Variants in OTOGL observed in about 807,000 individuals in gnomAD.
OTOGL encodes otogelin-like protein.
OTOGL carries 285 observed loss-of-function variants against 318.5 expected under a neutral mutation model. The observed-to-expected ratio is 0.89, with a 90% CI of 0.81 to 0.99. The LOEUF (loss-of-function observed/expected upper bound fraction) is 0.99. Among genes scored for constraint, OTOGL ranks in the 50% least tolerant of loss-of-function variants. OTOGL has a pLI of 0.00. For missense variants in OTOGL, 2,899 were observed against 2,845.6 expected (o/e 1.02, Z -0.43); for synonymous variants, 987 against 936.5 (o/e 1.05, Z -0.99).
chr12:80,224,275 A>G (rs369020503), intron 7 of OTOGL, among the ~76,000 whole-genome samples: 7 of 151,928 alleles, frequency 4.6e-5, no homozygotes, highest in Admixed American at 1.3e-4. Flanking sequence ...CTGTTGTTCT[A>G]TATGACTGTT....
At chr12:80,224,049 T>C (rs1338127885) in intron 7 of OTOGL, among the ~76,000 whole-genome samples, 1 of 152,188 alleles carries the variant, frequency 6.6e-6, no homozygotes, top group Non-Finnish European at 1.5e-5. Context: ...TTCTAGAATT[T>C]GTATGGTTTC....
chr12:80,116,658 G>A (rs969934295), intron 1 of OTOGL, among the ~76,000 whole-genome samples: 3 of 152,180 alleles, frequency 2.0e-5, no homozygotes, highest in Non-Finnish European at 4.4e-5. Flanking sequence ...ATTAGGGAAT[G>A]CAATCCCAGG....
chr12:80,349,079 T>A (rs1889379289), intron 44 of OTOGL, among the ~76,000 whole-genome samples: 1 of 138,212 alleles, frequency 7.2e-6, no homozygotes, highest in South Asian at 2.5e-4. Context: ...TTTTGTGGGC[T>A]AAGTAGAGAA....
chr12:80,233,945 C>G (rs1278381126), intron 9 of OTOGL, among the ~76,000 whole-genome samples: 1 of 119,360 alleles, frequency 8.4e-6, no homozygotes, highest in Admixed American at 9.6e-5. Context: ...TAATAATATA[C>G]TTTGATAATA....
Position 80,377,129 on chromosome 12 carries a change from G to A in OTOGL, c.6788G>A (p.Arg2263Gln), listed in dbSNP as rs759534300. The A allele has an allele frequency of 3.7e-5, 59 of 1,603,294 alleles. No individual in the cohort carries two copies. The Admixed American group carries it at 8.6e-4, about 23-fold the overall frequency. ...ACATTTTATATTTTATCAGGCAAAC[G>A]AGAAGAAAGAATATGCCAGAAAGTG... is the stretch of plus-strand genomic sequence containing the variant. ...YNEGCCKICKREERICQKVII... is the reference protein window; with the variant it reads ...YNEGCCKICKQEERICQKVII... The change falls in exon 58 of 59, where the codon CGA (arginine) becomes CAA (glutamine). Residue 2263 changes from arginine (R) to glutamine (Q), a missense_variant. By Grantham distance (43) the Arg-to-Gln change is conservative (BLOSUM62 1). Transcript: ENST00000547103.
At chr12:80,359,049 A>ACTG in intron 52 of OTOGL, 149 bp downstream of exon 52, 1 of 671,382 alleles carries the variant, frequency 1.5e-6, no homozygotes, top group Non-Finnish European at 2.4e-6. Flanking sequence ...GTGCTCTGAT[A>ACTG]TTAGGAAATA....
intron 38 of OTOGL, among the ~76,000 whole-genome samples, chr12:80,334,258 G>A (rs1292372429): frequency 6.6e-6 from 1 of 152,142 alleles, no homozygotes; most frequent in Non-Finnish European, 1.5e-5. Flanking sequence ...GTGAGTAAAA[G>A]GGAAGCAACA....
At chr12:80,272,315 C>T (rs1299966113) in intron 24 of OTOGL, among the ~76,000 whole-genome samples, 2 of 148,402 alleles carry the variant, frequency 1.3e-5, no homozygotes, top group East Asian at 4.0e-4. Flanking sequence ...TCTGCAAGTT[C>T]TTTTTAAGCC....
At chr12:80,145,339 C>T (rs986381946) in intron 1 of OTOGL, among the ~76,000 whole-genome samples, 7 of 152,116 alleles carry the variant, frequency 4.6e-5, no homozygotes, top group Admixed American at 1.3e-4. Context: ...CTTGTTTTTT[C>T]TCAGGTTTGT....
intron 6 of OTOGL, among the ~76,000 whole-genome samples, chr12:80,220,416 C>T (rs1878197417): frequency 6.6e-6 from 1 of 152,158 alleles, no homozygotes; most frequent in Non-Finnish European, 1.5e-5. Context: ...ATCTTGACCT[C>T]CCAAAGTGCT....
intron 14 of OTOGL, 148 bp from the exon 15 acceptor site, chr12:80,254,376 T>G (rs1480346830): frequency 2.8e-5 from 12 of 426,212 alleles, no homozygotes; most frequent in Non-Finnish European, 4.5e-5. Context: ...TTATTTATTT[T>G]ATTTTATTTT....
At chr12:80,189,489 C>G (rs533160349) in intron 1 of OTOGL, 1 of 980,298 alleles carries the variant, frequency 1.0e-6, no homozygotes, top group South Asian at 4.7e-5. Context: ...CTCCTGCCCC[C>G]TTTAGCAAAA....
At chr12:80,365,673 A>C (rs976789386) in intron 52 of OTOGL, among the ~76,000 whole-genome samples, 1 of 152,138 alleles carries the variant, frequency 6.6e-6, no homozygotes, top group Non-Finnish European at 1.5e-5. Flanking sequence ...TAATGACTAA[A>C]GTCCTGAAAT....
At chr12:80,307,778 C>A (rs1886278924) in intron 29 of OTOGL, among the ~76,000 whole-genome samples, 1 of 141,906 alleles carries the variant, frequency 7.0e-6, no homozygotes, top group Non-Finnish European at 1.6e-5. Flanking sequence ...GGGTGGCTGG[C>A]CGGGCAGAGG....
At chr12:80,271,994 G>A (rs1025665265) in intron 24 of OTOGL, among the ~76,000 whole-genome samples, 184 bp downstream of exon 24, 5 of 152,240 alleles carry the variant, frequency 3.3e-5, no homozygotes, top group Admixed American at 6.6e-5. Context: ...TATTATTAAT[G>A]TAATACACTG....
intron 1 of OTOGL, chr12:80,102,832 A>G: frequency 1.5e-6 from 1 of 670,324 alleles, no homozygotes; most frequent in Non-Finnish European, 2.6e-6. Flanking sequence ...TCGGAGCTCT[A>G]GTCATAAGGC....
intron 1 of OTOGL, among the ~76,000 whole-genome samples, chr12:80,168,451 G>GA (rs1207568986): frequency 1.3e-5 from 2 of 151,990 alleles, no homozygotes; most frequent in South Asian, 2.1e-4. Context: ...TTTTTGGGGG[G>GA]ATCACAGAAT....
Position 80,266,470 on chromosome 12 carries a change from C to T in OTOGL, c.2244C>T (p.Gly748=). Reference sequence around the variant, plus strand: ...CCTTAGCTGTGGTGTGCCAGAAGGGCATGCTGTACCATCACTGTTCCTCGT... The same window carrying T: ...CCTTAGCTGTGGTGTGCCAGAAGGGTATGCTGTACCATCACTGTTCCTCGT... ...ISFCAVVCQK[G]MLYHHCSSFC... is the part of the protein sequence containing the mutation. Residue 748 remains glycine, a synonymous_variant, in exon 21 of 59, where the codon GGC becomes GGT. Transcript: ENST00000547103. 1 of 1,613,492 alleles carries T rather than the reference C, an allele frequency of 6.2e-7. No homozygotes were observed. Among genetic ancestry groups the T allele is most frequent in the South Asian group, 1.1e-5 (1 of 91,070 alleles).
chr12:80,155,180 T>C (rs1437563146), intron 1 of OTOGL, among the ~76,000 whole-genome samples: 1 of 152,212 alleles, frequency 6.6e-6, no homozygotes, highest in African/African-American at 2.4e-5. Context: ...GGATAACAAT[T>C]CTTTATCAGA....
Sources: allele counts gnomAD v4.1 joint callset (sites outside exome capture counted in the v4.1 genomes callset), GRCh38; gene constraint gnomAD v4.1.1; transcripts MANE v1.5; gene names NCBI Gene and HGNC (gene_info 2026-07-23, HGNC 2026-07-21).